Variants in KLF12 observed in about 807,000 individuals in gnomAD.
The protein encoded by KLF12 is Krueppel-like factor 12.
In KLF12, 9 loss-of-function variants were observed where a neutral mutation model predicts 37.8. The ratio of observed to expected loss-of-function variants is 0.24; its 90% confidence interval spans 0.14 to 0.42. KLF12 has a LOEUF of 0.42. Among genes scored for constraint, KLF12 ranks in the 10% least tolerant of loss-of-function variants. The probability of loss-of-function intolerance (pLI) is 1.00; values close to 1 mark genes in which losing one functional copy is unlikely to be tolerated. For synonymous variants in KLF12, 208 were observed against 202.1 expected (o/e 1.03, Z -0.25); for missense variants, 411 against 516.0 (o/e 0.80, Z 1.97).
At chr13:74,033,440 A>G (rs903318123) in intron 1 of KLF12, among the ~76,000 whole-genome samples, 4 of 152,226 alleles carry the variant, frequency 2.6e-5, no homozygotes, top group Non-Finnish European at 5.9e-5. Flanking sequence ...AGGGCTAATA[A>G]TATTTACTCA....
chr13:73,716,080 G>A (rs996029198), intron 6 of KLF12, among the ~76,000 whole-genome samples: 2 of 152,154 alleles, frequency 1.3e-5, no homozygotes, highest in Non-Finnish European at 2.9e-5. Flanking sequence ...TTGGTGAAAC[G>A]CACCTGACAT....
intron 1 of KLF12, among the ~76,000 whole-genome samples, chr13:74,052,768 C>T (rs1873005913): frequency 6.6e-6 from 1 of 152,150 alleles, no homozygotes; most frequent in Admixed American, 6.5e-5. Context: ...GTCTGTCCTT[C>T]CCTCCCATTA....
chr13:74,155,783 C>T, the KLF12 span, among the ~76,000 whole-genome samples: 5 of 152,182 alleles, frequency 3.3e-5, no homozygotes, highest in Admixed American at 6.5e-5. Flanking sequence ...TATTCCCTTC[C>T]TTTCCTTTCT....
At chr13:73,876,785 T>C (rs1886726689) in intron 3 of KLF12, among the ~76,000 whole-genome samples, 1 of 151,882 alleles carries the variant, frequency 6.6e-6, no homozygotes, top group African/African-American at 2.4e-5. Flanking sequence ...GAGGCAGAAG[T>C]GGGCAGATCA....
intron 1 of KLF12, among the ~76,000 whole-genome samples, chr13:74,100,374 C>A (rs1201162689): frequency 6.6e-6 from 1 of 152,052 alleles, no homozygotes; most frequent in Non-Finnish European, 1.5e-5. Flanking sequence ...TCCTAGCACA[C>A]TGGGAGGCCA....
chr13:74,200,390 T>C, the KLF12 span, among the ~76,000 whole-genome samples: 1 of 152,092 alleles, frequency 6.6e-6, no homozygotes, highest in Non-Finnish European at 1.5e-5. Context: ...GCATGAAGCA[T>C]GAGTGTGTTA....
chr13:73,828,541 C>T (rs80268166), intron 4 of KLF12, among the ~76,000 whole-genome samples: 1 of 152,276 alleles, frequency 6.6e-6, no homozygotes, highest in Non-Finnish European at 1.5e-5. Context: ...AACTGGCCAA[C>T]AAATTCTATC....
intron 6 of KLF12, among the ~76,000 whole-genome samples, chr13:73,745,042 C>T (rs1031716630): frequency 6.6e-6 from 1 of 152,048 alleles, no homozygotes; most frequent in African/African-American, 2.4e-5. Flanking sequence ...TTTATGAGTA[C>T]CTAAAATTAT....
chr13:73,725,371 A>G (rs1259480989), intron 6 of KLF12, among the ~76,000 whole-genome samples: 2 of 152,222 alleles, frequency 1.3e-5, no homozygotes, highest in African/African-American at 4.8e-5. Context: ...AAGTGCTGGG[A>G]TTACAGGCGT....
chr13:74,136,967 A>G (rs1236819006), upstream of KLF12, among the ~76,000 whole-genome samples: 1 of 152,240 alleles, frequency 6.6e-6, no homozygotes, highest in Non-Finnish European at 1.5e-5. Flanking sequence ...GTAAAAGAGC[A>G]AAAACATTTG....
In KLF12 at chr13:73,692,478, T is replaced by C. The variant is rs1466530558; in HGVS notation, c.*3012A>G. On this transcript the variant is annotated 3_prime_UTR_variant, in exon 8 of 8. Transcript: ENST00000377669. ...CAGCTGCAAACTGAACAGCTTCAAA[T>C]TTAAAATCAAAGAATGCTTCTAGTT... The C allele has an allele frequency of 2.6e-5, 4 of 152,750 alleles. No homozygotes were observed. In the East Asian group the frequency reaches 7.7e-4, roughly 29 times the overall value. The allele number at this position is 152,750 out of a possible 1,614,324, so 9.5% of individuals were successfully genotyped here. A position where few individuals can be genotyped will look rare whatever the true frequency, so the allele number is the denominator to read the frequency against.
chr13:73,954,592 T>C (rs949533996), intron 2 of KLF12, among the ~76,000 whole-genome samples: 8 of 152,250 alleles, frequency 5.3e-5, no homozygotes, highest in Admixed American at 2.0e-4. Flanking sequence ...TTGTAGCAGT[T>C]TGCATTGTCT....
intron 1 of KLF12, among the ~76,000 whole-genome samples, chr13:73,997,515 T>G (rs1892155659): frequency 6.6e-6 from 1 of 152,304 alleles, no homozygotes; most frequent in South Asian, 2.1e-4. Flanking sequence ...AACAGATACA[T>G]CTCTAATTTT....
At chr13:73,990,430 A>C (rs953419058) in intron 2 of KLF12, among the ~76,000 whole-genome samples, 8 of 152,226 alleles carry the variant, frequency 5.3e-5, no homozygotes, top group African/African-American at 1.9e-4. Flanking sequence ...GTTTGCTTCA[A>C]ACTTCACAGT....
chr13:74,046,005 A>C (rs1206287911), intron 1 of KLF12, among the ~76,000 whole-genome samples: 1 of 152,228 alleles, frequency 6.6e-6, no homozygotes, highest in Non-Finnish European at 1.5e-5. Flanking sequence ...CTTATTTAGA[A>C]GCTGGGTGAT....
the KLF12 span, among the ~76,000 whole-genome samples, chr13:74,260,553 C>CTAAAATAAAA: frequency 2.0e-5 from 2 of 101,684 alleles, no homozygotes; most frequent in African/African-American, 5.5e-5. Context: ...AACACTGTTT[C>CTAAAATAAAA]TAAAATAAAA....
chr13:73,835,918 A>G (rs1425626214), intron 4 of KLF12, among the ~76,000 whole-genome samples: 1 of 152,188 alleles, frequency 6.6e-6, no homozygotes, highest in East Asian at 1.9e-4. Context: ...AGTCTACTGT[A>G]AACTAGAGCT....
intron 1 of KLF12, among the ~76,000 whole-genome samples, chr13:74,062,440 A>T (rs1414425047): frequency 6.6e-6 from 1 of 152,192 alleles, no homozygotes; most frequent in Non-Finnish European, 1.5e-5. Context: ...TCAATCAAGT[A>T]TTCATTTATG....
chr13:74,182,361 T>A, the KLF12 span, among the ~76,000 whole-genome samples: 1 of 152,254 alleles, frequency 6.6e-6, no homozygotes, highest in South Asian at 2.1e-4. Flanking sequence ...GATTTTATTT[T>A]CTCTGTCTAT....
Sources: gnomAD v4.1 joint callset for allele counts (sites outside exome capture counted in the v4.1 genomes callset) on GRCh38, gnomAD v4.1.1 for gene constraint, MANE v1.5 for transcripts, NCBI Gene and HGNC (gene_info 2026-07-23, HGNC 2026-07-21) for gene names.